The following PHLPP1 variants were observed in gnomAD, a reference collection of about 807,000 sequenced individuals.
PHLPP1 encodes the protein PH domain leucine-rich repeat-containing protein phosphatase 1.
Under a neutral mutation model 117.2 loss-of-function variants are expected in PHLPP1, and 42 were observed. The ratio of observed to expected loss-of-function variants is 0.36; its 90% CI spans 0.28 to 0.46. The LOEUF is 0.46. PHLPP1 is among the 20% of genes least tolerant of loss of function. The probability of loss-of-function intolerance (pLI) is 1.00; values close to 1 mark genes in which losing one functional copy is unlikely to be tolerated. For missense variants in PHLPP1, 2,084 were observed against 2,241.9 expected, an observed-to-expected ratio of 0.93 and a Z score of 1.42; for synonymous variants, 1,042 against 970.7, an observed-to-expected ratio of 1.07 and a Z score of -1.37.
intron 12 of PHLPP1, among the ~76,000 whole-genome samples, chr18:62,955,632 C>G (rs1181394006): frequency 6.6e-6 from 1 of 152,116 alleles, no homozygotes; most frequent in Non-Finnish European, 1.5e-5. Context: ...TGCATTACAG[C>G]CTGCAGCATT....
chr18:62,821,572 GAAAAGAA>G (rs1271697050), intron 1 of PHLPP1, among the ~76,000 whole-genome samples: 16 of 114,186 alleles, frequency 1.4e-4, no homozygotes, highest in African/African-American at 4.0e-4. Flanking sequence ...AAAAAAAAAA[GAAAAGAA>G]AAAAGAAAAA....
intron 3 of PHLPP1, among the ~76,000 whole-genome samples, chr18:62,849,908 G>A (rs1265772863): frequency 7.2e-6 from 1 of 138,772 alleles, no homozygotes; most frequent in Non-Finnish European, 1.5e-5. Flanking sequence ...TTAACCCAGA[G>A]TATTAAATTT....
chr18:62,716,469 A>G lies in PHLPP1; in HGVS notation c.786A>G (p.Glu262=). 1 of 1,248,876 alleles carries G rather than the reference A, an allele frequency of 8.0e-7. No individual in the cohort carries two copies. The highest frequency in any genetic ancestry group is 1.0e-6 in the Non-Finnish European group (1 of 1,000,190). 77.4% of individuals were successfully genotyped at this position (1,248,876 alleles called of 1,614,324 possible). Residue 262 remains glutamate (E), a synonymous_variant, in exon 1 of 17, where the codon GAA becomes GAG. Coordinates refer to ENST00000262719, the MANE Select transcript of PHLPP1 (RefSeq NM_194449.4). This position sits in a 1 kb window ranked among gnomAD's most constrained non-coding sequence, Gnocchi z 5.7. ...CCGCCGCCGCCCGGGAGCCCGCTGA[A>G]CCGCCCCCCGAGGCCGGCCCCCGGC... ...PGAAAAREPA[E]PPPEAGPRLA...
At chr18:62,971,361 AT>A (rs569119061) in intron 14 of PHLPP1, among the ~76,000 whole-genome samples, 138 of 137,304 alleles carry the variant, frequency 1.0e-3, no homozygotes, top group Middle Eastern at 3.8e-3. Context: ...TCCTGGCCTT[AT>A]TTTTTTTTTT....
At chr18:62,775,062 A>G (rs1048731081) in intron 1 of PHLPP1, among the ~76,000 whole-genome samples, 2 of 152,126 alleles carry the variant, frequency 1.3e-5, no homozygotes, top group Admixed American at 6.6e-5. Context: ...CAGGTCACAA[A>G]AGACCCAATA....
chr18:62,753,986 A>G (rs1379859102), intron 1 of PHLPP1, among the ~76,000 whole-genome samples: 2 of 152,166 alleles, frequency 1.3e-5, no homozygotes, highest in African/African-American at 4.8e-5. Context: ...CTGATTGTCA[A>G]TAAAGGCTGT....
Position 62,716,484 on chromosome 18 carries a change from C to T in PHLPP1, c.801C>T (p.Ala267=). 8.2e-7 allele frequency: 1 copy of T among 1,218,636 alleles called. No individual in the cohort carries two copies. Among genetic ancestry groups the T allele is most frequent in the Non-Finnish European group, 1.0e-6 (1 of 981,352 alleles). The allele number at this position is 1,218,636 out of a possible 1,614,324, so 75.5% of individuals were successfully genotyped here. Residue 267 remains alanine, a synonymous_variant, in exon 1 of 17, where the codon GCC becomes GCT. Transcript: ENST00000262719. This position sits in a 1 kb window ranked among gnomAD's most constrained non-coding sequence, Gnocchi z 5.7. The part of the protein sequence containing the change: ...AREPAEPPPE[A]GPRLAPPEPR... ...AGCCCGCTGAACCGCCCCCCGAGGC[C>T]GGCCCCCGGCTGGCGCCCCCGGAGC...
chr18:62,898,911 GCCTC>G (rs1916643554), intron 6 of PHLPP1, among the ~76,000 whole-genome samples: 1 of 151,718 alleles, frequency 6.6e-6, no homozygotes, highest in South Asian at 2.1e-4. Flanking sequence ...CAATTTTCCT[GCCTC>G]AGCCTCCCAA....
intron 1 of PHLPP1, among the ~76,000 whole-genome samples, chr18:62,781,242 T>C (rs530739734): frequency 5.3e-5 from 8 of 152,318 alleles, no homozygotes; most frequent in Non-Finnish European, 1.2e-4. Context: ...AGATACTCAA[T>C]AATTGATGGT....
At chr18:62,809,623 A>C (rs189235996) in intron 1 of PHLPP1, among the ~76,000 whole-genome samples, 8 of 152,052 alleles carry the variant, frequency 5.3e-5, no homozygotes, top group Non-Finnish European at 8.8e-5. Flanking sequence ...AATCACTTGA[A>C]CCTGGGAGGC....
At chr18:62,813,620 C>T (rs1192280586) in intron 1 of PHLPP1, among the ~76,000 whole-genome samples, 1 of 152,192 alleles carries the variant, frequency 6.6e-6, no homozygotes, top group Admixed American at 6.5e-5. Context: ...AATACTGTAA[C>T]TTGGTGGGTC....
intron 12 of PHLPP1, among the ~76,000 whole-genome samples, chr18:62,954,815 C>A (rs536424694): frequency 6.6e-6 from 1 of 152,302 alleles, no homozygotes; most frequent in African/African-American, 2.4e-5. Flanking sequence ...AGTTCCCATC[C>A]TAGCAGATTT....
chr18:62,729,348 A>G (rs1192067516), intron 1 of PHLPP1, among the ~76,000 whole-genome samples: 1 of 152,182 alleles, frequency 6.6e-6, no homozygotes. Flanking sequence ...AGTTGACTAT[A>G]GGCTTTTTAA....
At chr18:62,959,366 A>C (rs548683241) in intron 13 of PHLPP1, among the ~76,000 whole-genome samples, 7 of 152,364 alleles carry the variant, frequency 4.6e-5, no homozygotes, top group Admixed American at 3.9e-4. Flanking sequence ...AATATTAATA[A>C]AATTCACAAT....
chr18:62,812,049 C>A (rs981223095), intron 1 of PHLPP1, among the ~76,000 whole-genome samples: 1 of 152,156 alleles, frequency 6.6e-6, no homozygotes, highest in Non-Finnish European at 1.5e-5. Context: ...TATAACCCAA[C>A]CTCCTAGTTA....
chr18:62,953,544 T>TA (rs1485576350), intron 12 of PHLPP1, among the ~76,000 whole-genome samples: 2 of 152,358 alleles, frequency 1.3e-5, no homozygotes, highest in East Asian at 1.9e-4. Flanking sequence ...TCGTTGATCA[T>TA]ACCAGCTAAA....
chr18:62,934,488 A>G (rs537626787), intron 10 of PHLPP1, among the ~76,000 whole-genome samples: 1 of 152,282 alleles, frequency 6.6e-6, no homozygotes, highest in Admixed American at 6.5e-5. Flanking sequence ...AATACTGCAC[A>G]TTATTTCTTA....
chr18:62,943,018 C>A (rs1910173287), intron 11 of PHLPP1, among the ~76,000 whole-genome samples: 1 of 152,116 alleles, frequency 6.6e-6, no homozygotes, highest in Admixed American at 6.6e-5. Flanking sequence ...TTGGAAAAAA[C>A]CATGATAATC....
rs1404763284 is a variant in PHLPP1 at position 62,919,136 on chromosome 18, G to T, written c.2805-823G>T. ...TTAATTCTTGATCTAAAGTGATCAG[G>T]ATGCAAATTGTAACCTCACTTTTCC... On this transcript the variant is annotated intron_variant, in intron 9 of 16. Coordinates refer to ENST00000262719, the MANE Select transcript of PHLPP1 (RefSeq NM_194449.4). 3.3e-5 allele frequency among the ~76,000 whole-genome samples: 5 copies of T among 152,278 alleles called. No individual in the cohort carries two copies. The East Asian group carries it at 9.6e-4, about 29-fold the overall frequency.
Sources: allele counts gnomAD v4.1 joint callset (sites outside exome capture counted in the v4.1 genomes callset), GRCh38; gene constraint gnomAD v4.1.1; non-coding constraint Gnocchi (gnomAD v3.1); transcripts MANE v1.5; gene names NCBI Gene and HGNC (gene_info 2026-07-23, HGNC 2026-07-21).